Variants in TAF1D observed in about 807,000 individuals in gnomAD.
The protein encoded by TAF1D is TATA box-binding protein-associated factor RNA polymerase I subunit D.
A neutral mutation model predicts 26.2 loss-of-function variants in TAF1D; 23 were observed. The ratio of observed to expected loss-of-function variants is 0.88; its 90% CI spans 0.63 to 1.25. The LOEUF (loss-of-function observed/expected upper bound fraction) is 1.25. Ranked by LOEUF, TAF1D falls within the 50% of genes most tolerant of loss-of-function variation. TAF1D has a pLI of 0.00. For missense variants in TAF1D, 299 were observed against 322.0 expected (o/e 0.93, Z 0.55); for synonymous variants, 100 against 105.6 (o/e 0.95, Z 0.33).
downstream of TAF1D, chr11:93,732,656 T>G: frequency 3.3e-6 from 1 of 305,856 alleles, no homozygotes. Flanking sequence ...CATTTTAAGC[T>G]ACAACTCTAG....
downstream of TAF1D, chr11:93,732,809 T>A: frequency 4.2e-6 from 1 of 236,188 alleles, no homozygotes; most frequent in Non-Finnish European, 8.5e-6. Flanking sequence ...GTAATTCATA[T>A]CCCTATTGAT....
downstream of TAF1D, chr11:93,732,601 G>A (rs1939434516): frequency 8.0e-6 from 3 of 375,304 alleles, no homozygotes; most frequent in South Asian, 6.4e-5. Flanking sequence ...AATAATTTGA[G>A]CTTTTTTCCT....
chr11:93,741,276 C>A lies in TAF1D; in HGVS notation c.-28+46G>T, dbSNP rs763074881. ...GGGAAACCCCAGATATGCAACGCCTCCCCCGCCCGCCAGGCCCGGACGGCC... is the reference window on the plus strand; with the variant it reads ...GGGAAACCCCAGATATGCAACGCCTACCCCGCCCGCCAGGCCCGGACGGCC... On this transcript the variant is annotated intron_variant, in intron 1 of 5. Coordinates refer to ENST00000448108, the MANE Select transcript of TAF1D (RefSeq NM_024116.4). The A allele has an allele frequency of 2.4e-4, 109 of 455,412 alleles. 2 individuals carry two copies. The highest frequency in any genetic ancestry group is 1.6e-3 in the South Asian group (105 of 64,488). The allele number at this position is 455,412 out of a possible 1,614,324, so 28.2% of individuals were successfully genotyped here.
chr11:93,735,509 A>G (rs1295104306), downstream of TAF1D: 3 of 427,512 alleles, frequency 7.0e-6, no homozygotes, highest in Non-Finnish European at 9.5e-6. Flanking sequence ...TGTCTCTACT[A>G]AAAAAACAAA....
At position 93,737,173 on chromosome 11, in the gene TAF1D, AT is replaced by A; in HGVS notation, c.525del (p.Glu175AspfsTer3). On this transcript the variant is annotated frameshift_variant, in exon 4 of 6. Coordinates refer to ENST00000448108, the MANE Select transcript of TAF1D (RefSeq NM_024116.4). LOFTEE classifies it high-confidence loss of function. ...EKLKYEHHLK[E>X]SLKQMNVGED... The stretch of plus-strand genomic sequence containing the variant: ...TCACCAACATTCATTTGCTTCAATG[AT>A]TCTTTCAGGTGGTGTTCATACTTCA... 6.2e-7 allele frequency: 1 copy of A among 1,612,548 alleles called. No homozygotes were observed. Among genetic ancestry groups the A allele is most frequent in the Non-Finnish European group, 8.5e-7 (1 of 1,179,318 alleles).
intron 2 of TAF1D, chr11:93,739,021 T>G (rs551383981): frequency 2.0e-5 from 11 of 542,556 alleles, no homozygotes; most frequent in African/African-American, 1.5e-4. Context: ...AGAATACATT[T>G]TTTCTCGACG....
chr11:93,732,124 G>A (rs753367596), downstream of TAF1D: 6 of 518,308 alleles, frequency 1.2e-5, no homozygotes, highest in African/African-American at 5.8e-5. Context: ...CCATTCTCTA[G>A]AATGAGGCAT....
downstream of TAF1D, chr11:93,731,377 A>G (rs1938710643): frequency 2.6e-6 from 1 of 386,700 alleles, no homozygotes; most frequent in African/African-American, 2.1e-5. Flanking sequence ...ACTAATAGGT[A>G]TTTTTAAAAA....
At position 93,736,183 on chromosome 11, in the gene TAF1D, C is replaced by A. The variant is rs769241941; in HGVS notation, c.815G>T (p.Gly272Val). ...KKRATKAKNT[G>V]QRGLKM is the part of the protein sequence containing the mutation. Reference sequence around the variant, plus strand: ...CTGTCACATTTTCAGGCCTCTCTGTCCAGTATTTTTGGCTTTTGTAGCTCT... The same window carrying A: ...CTGTCACATTTTCAGGCCTCTCTGTACAGTATTTTTGGCTTTTGTAGCTCT... Residue 272 changes from glycine (G) to valine (V), a missense_variant, in exon 6 of 6, where the codon GGA (glycine) becomes GTA (valine). Transcript: ENST00000448108. The A allele has an allele frequency of 6.2e-7, 1 of 1,613,130 alleles. No individual in the cohort carries two copies. The highest frequency in any genetic ancestry group is 1.1e-5 in the South Asian group (1 of 91,066).
downstream of TAF1D, chr11:93,732,348 A>G (rs754565676): frequency 1.9e-6 from 1 of 517,790 alleles, no homozygotes; most frequent in South Asian, 1.4e-5. Context: ...ACACTCTGAG[A>G]AACCTACACA....
In TAF1D at chr11:93,741,046, T is replaced by C. The variant is rs909131006; in HGVS notation, c.-28+276A>G. Among the ~76,000 whole-genome samples, 3 of 152,242 alleles carry C rather than the reference T, an allele frequency of 2.0e-5. No individual in the cohort carries two copies. In the South Asian group the frequency reaches 6.2e-4, roughly 31 times the overall value. On this transcript the variant is annotated intron_variant, in intron 1 of 5. Coordinates refer to ENST00000448108, the MANE Select transcript of TAF1D (RefSeq NM_024116.4). ...TACCTCACATACGAAGGTTAAATCA[T>C]TTAAATCACGTAATAAGGTTAAACT...
At chr11:93,730,235 CA>C in exon 12 of TAF1D, 1 of 1,551,112 alleles carries the variant, frequency 6.4e-7, no homozygotes, top group Non-Finnish European at 8.7e-7. Context: ...CCACAGAAAA[CA>C]CTAGAGAAAC....
In TAF1D at chr11:93,736,056, A is replaced by ACCACCACTGG. The variant is rs1940697206; in HGVS notation, c.*104_*105insCCAGTGGTGG. On this transcript the variant is annotated 3_prime_UTR_variant, in exon 6 of 6. Coordinates refer to ENST00000448108, the MANE Select transcript of TAF1D (RefSeq NM_024116.4). ...TTCTTGTTATAAAGTTCTGGGTTTCAGAATTTCTTCACCACCAGACTGGTA... is the reference window on the plus strand; with the variant it reads ...TTCTTGTTATAAAGTTCTGGGTTTCACCACCACTGGGAATTTCTTCACCACCAGACTGGTA... 1 of 1,485,892 alleles carries ACCACCACTGG rather than the reference A, an allele frequency of 6.7e-7. No homozygotes were observed. The highest frequency in any genetic ancestry group is 1.7e-5 in the African/African-American group (1 of 60,166). 92.0% of individuals were successfully genotyped at this position (1,485,892 alleles called of 1,614,324 possible). A position where few individuals can be genotyped will look rare whatever the true frequency, so the allele number is the denominator to read the frequency against.
In TAF1D at chr11:93,737,081, A is replaced by G. The variant is rs371719125; in HGVS notation, c.618T>C (p.Ser206=). The change falls in exon 4 of 6, where the codon TCT becomes TCC. Residue 206 remains serine, a synonymous_variant. Transcript: ENST00000448108. ...YKFLDDDGSI[S]PIEESTAEDE... ...CCACTTACGTTGACTCCTCAATAGGAGAAATGGATCCATCATCATCCAAAA... is the reference window on the plus strand; with the variant it reads ...CCACTTACGTTGACTCCTCAATAGGGGAAATGGATCCATCATCATCCAAAA... The G allele has an allele frequency of 3.1e-6, 5 of 1,603,852 alleles. No homozygotes were observed. Among genetic ancestry groups the G allele is most frequent in the Non-Finnish European group, 4.3e-6 (5 of 1,176,228 alleles).
downstream of TAF1D, chr11:93,731,567 T>C (rs375463903): frequency 1.1e-4 from 58 of 518,960 alleles, no homozygotes; most frequent in African/African-American, 1.1e-3. Context: ...CCCATCATCA[T>C]AACATCGTTA....
At chr11:93,739,018 A>AT (rs1941294364) in intron 2 of TAF1D, 2 of 543,004 alleles carry the variant, frequency 3.7e-6, no homozygotes, top group Non-Finnish European at 3.2e-6. Flanking sequence ...CAAAGAATAC[A>AT]TTTTTTCTCG....
chr11:93,736,321 A>G lies in TAF1D; in HGVS notation c.694-17T>C. 1 of 1,587,800 alleles carries G rather than the reference A, an allele frequency of 6.3e-7. No homozygotes were observed. Among genetic ancestry groups the G allele is most frequent in the Non-Finnish European group, 8.5e-7 (1 of 1,172,298 alleles). Reference sequence around the variant, plus strand: ...ACTATCCCCCTGCATAAAACAAACAAAAAATCATGGATTAAGCAATAACTC... The same window carrying G: ...ACTATCCCCCTGCATAAAACAAACAGAAAATCATGGATTAAGCAATAACTC... On this transcript the variant is annotated splice_polypyrimidine_tract_variant and intron_variant, in intron 5 of 5. Coordinates refer to ENST00000448108, the MANE Select transcript of TAF1D (RefSeq NM_024116.4).
downstream of TAF1D, chr11:93,730,906 A>G (rs1034222606): frequency 3.4e-5 from 16 of 468,572 alleles, no homozygotes; most frequent in Non-Finnish European, 6.2e-5. Flanking sequence ...GAATTTTCAA[A>G]TCTCACTGAT....
downstream of TAF1D, chr11:93,735,227 C>T (rs1040051080): frequency 7.4e-7 from 1 of 1,350,436 alleles, no homozygotes; most frequent in Non-Finnish European, 9.8e-7. Flanking sequence ...CAAAAACATA[C>T]ATAAGTGCAG....
Sources: gnomAD v4.1 joint callset for allele counts (sites outside exome capture counted in the v4.1 genomes callset) on GRCh38, gnomAD v4.1.1 for gene constraint, MANE v1.5 for transcripts, NCBI Gene and HGNC (gene_info 2026-07-23, HGNC 2026-07-21) for gene names.